FTO: variants seen among roughly 807,000 people sequenced by gnomAD.
FTO encodes FTO alpha-ketoglutarate dependent dioxygenase.
A neutral mutation model predicts 63.9 loss-of-function variants in FTO; 47 were observed. That is an observed-to-expected ratio of 0.74 (90% CI 0.58 to 0.94). FTO has a LOEUF of 0.94. Among genes scored for constraint, FTO ranks in the 40% least tolerant of loss-of-function variants. FTO has a pLI of 0.00. For synonymous variants in FTO, 207 were observed against 224.4 expected (o/e 0.92, Z 0.69); for missense variants, 562 against 618.1 (o/e 0.91, Z 0.96).
chr16:53,816,825 C>T (rs1468660036), intron 2 of FTO, among the ~76,000 whole-genome samples: 2 of 152,144 alleles, frequency 1.3e-5, no homozygotes, highest in African/African-American at 2.4e-5. Context: ...TGCTTATTGT[C>T]TGGCTCACCT....
intron 2 of FTO, among the ~76,000 whole-genome samples, chr16:53,823,840 A>T (rs1367322045): frequency 6.6e-6 from 1 of 152,134 alleles, no homozygotes; most frequent in African/African-American, 2.4e-5. Flanking sequence ...AGCCAAGATC[A>T]TGCCATTGCA....
Position 54,121,625 on chromosome 16 carries a change from TC to T in FTO, c.*9711del. On this transcript the variant is annotated 3_prime_UTR_variant, in exon 9 of 9. Transcript: ENST00000471389. The stretch of plus-strand genomic sequence containing the variant: ...CTAGAACTGCTCAACAGGTGAAGAA[TC>T]TTTTTCCAGCACTCCTGAGCCCTTC... 1 of 152,294 alleles carries T rather than the reference TC, an allele frequency of 6.6e-6. No individual in the cohort carries two copies. The highest frequency in any genetic ancestry group is 2.4e-5 in the African/African-American group (1 of 41,556). 9.4% of individuals were successfully genotyped at this position (152,294 alleles called of 1,614,324 possible). A position where few individuals can be genotyped will look rare whatever the true frequency, so the allele number is the denominator to read the frequency against.
At chr16:53,984,415 C>G (rs1432167404) in intron 8 of FTO, among the ~76,000 whole-genome samples, 1 of 150,172 alleles carries the variant, frequency 6.7e-6, no homozygotes, top group Admixed American at 6.6e-5. Flanking sequence ...CTCGACCTCC[C>G]CAGCTCAAGT....
intron 2 of FTO, 48 bp from the exon 3 acceptor site, chr16:53,825,816 A>T (rs765632404): frequency 6.3e-7 from 1 of 1,598,988 alleles, no homozygotes; most frequent in East Asian, 2.2e-5. Flanking sequence ...GAAATAATAC[A>T]ATTGTAGCTA....
At chr16:53,898,753 C>T (rs1370884477) in intron 7 of FTO, among the ~76,000 whole-genome samples, 1 of 152,164 alleles carries the variant, frequency 6.6e-6, no homozygotes, top group African/African-American at 2.4e-5. Flanking sequence ...GATCATAGCT[C>T]ACTGTAGCCT....
At position 54,111,885 on chromosome 16, in the gene FTO, CAG is replaced by C. The variant is rs2086898462; in HGVS notation, c.1491_1492del (p.Gly498SerfsTer32). ...ACCTCACAGACATCGTTTCAGAACT[CAG>C]AGGTCAGCTTCTGGAAGCAAAACCC... ...FDLTDIVSEL[R>X]GQLLEAKP is the part of the protein sequence containing the mutation. On this transcript the variant is annotated frameshift_variant, in exon 9 of 9. Transcript: ENST00000471389. LOFTEE classifies it high-confidence loss of function. The C allele has an allele frequency of 1.2e-6, 2 of 1,614,010 alleles. No individual in the cohort carries two copies. Among genetic ancestry groups the C allele is most frequent in the Non-Finnish European group, 1.7e-6 (2 of 1,180,026 alleles).
At chr16:53,803,780 T>G (rs1480391815) in intron 1 of FTO, among the ~76,000 whole-genome samples, 1 of 152,204 alleles carries the variant, frequency 6.6e-6, no homozygotes, top group Admixed American at 6.5e-5. Flanking sequence ...TGCAATTTTG[T>G]CATATTAAAA....
At chr16:53,953,394 T>G (rs755768953) in intron 8 of FTO, among the ~76,000 whole-genome samples, 4 of 152,186 alleles carry the variant, frequency 2.6e-5, no homozygotes, top group Non-Finnish European at 5.9e-5. Flanking sequence ...CCACTGGAAT[T>G]GTAGGCCTTG....
At chr16:54,076,995 A>G (rs1260927571) in intron 8 of FTO, among the ~76,000 whole-genome samples, 2 of 152,184 alleles carry the variant, frequency 1.3e-5, no homozygotes, top group East Asian at 1.9e-4. Flanking sequence ...TAATCGGCCT[A>G]TGTGATTATT....
intron 4 of FTO, among the ~76,000 whole-genome samples, chr16:53,872,221 G>A (rs2080520122): frequency 6.6e-6 from 1 of 152,190 alleles, no homozygotes; most frequent in Non-Finnish European, 1.5e-5. Flanking sequence ...TCTGAAATTG[G>A]TTCCACCTGC....
In FTO at chr16:54,119,385, G is replaced by A. The variant is rs2086991721; in HGVS notation, c.*7470G>A. 1 of 152,174 alleles carries A rather than the reference G, an allele frequency of 6.6e-6. No homozygotes were observed. The highest frequency in any genetic ancestry group is 2.4e-5 in the African/African-American group (1 of 41,428). 9.4% of individuals were successfully genotyped at this position (152,174 alleles called of 1,614,324 possible). A position where few individuals can be genotyped will look rare whatever the true frequency, so the allele number is the denominator to read the frequency against. ...CAGTTTCTCAGACAGCCAAAGCCGT[G>A]GCTTATAACTCATCCAACCCAGAAA... On this transcript the variant is annotated 3_prime_UTR_variant, in exon 9 of 9. Coordinates refer to ENST00000471389, the MANE Select transcript of FTO (RefSeq NM_001080432.3).
chr16:54,088,537 C>T (rs2086300251), intron 8 of FTO, among the ~76,000 whole-genome samples: 1 of 152,144 alleles, frequency 6.6e-6, no homozygotes, highest in South Asian at 2.1e-4. Flanking sequence ...TTAATGTTTT[C>T]TACCAAGCCA....
At chr16:53,997,737 A>T (rs188859722) in intron 8 of FTO, among the ~76,000 whole-genome samples, 1 of 152,126 alleles carries the variant, frequency 6.6e-6, no homozygotes, top group East Asian at 1.9e-4. Context: ...GCTGATGGCT[A>T]CAAATGTGTC....
At chr16:53,706,151 A>C (rs1281171555) in intron 1 of FTO, among the ~76,000 whole-genome samples, 3 of 152,204 alleles carry the variant, frequency 2.0e-5, no homozygotes, top group Non-Finnish European at 2.9e-5. Context: ...TTCTTTAAAA[A>C]ATTGGCTGTT....
At chr16:53,822,204 T>C (rs1006262552) in intron 2 of FTO, among the ~76,000 whole-genome samples, 2 of 152,186 alleles carry the variant, frequency 1.3e-5, no homozygotes, top group Non-Finnish European at 2.9e-5. Context: ...TTAACTTCAT[T>C]GAGAAAGTCA....
intron 7 of FTO, among the ~76,000 whole-genome samples, chr16:53,919,694 T>A (rs757737669): frequency 1.6e-4 from 24 of 152,182 alleles, no homozygotes; most frequent in Non-Finnish European, 2.9e-4. Flanking sequence ...GCAACCTGGA[T>A]GGAATTGGAG....
At chr16:54,101,915 G>A (rs542108371) in intron 8 of FTO, among the ~76,000 whole-genome samples, 87 of 152,132 alleles carry the variant, frequency 5.7e-4, no homozygotes, top group African/African-American at 2.0e-3. Flanking sequence ...TAATAATCAG[G>A]GCTATTGAGC....
At chr16:53,843,240 A>C (rs1413002726) in intron 3 of FTO, among the ~76,000 whole-genome samples, 2 of 152,222 alleles carry the variant, frequency 1.3e-5, no homozygotes, top group African/African-American at 4.8e-5. Flanking sequence ...TTTAGTATAC[A>C]TTCTTAAAAG....
intron 7 of FTO, among the ~76,000 whole-genome samples, chr16:53,928,964 C>T (rs1283223483): frequency 6.6e-6 from 1 of 152,102 alleles, no homozygotes; most frequent in East Asian, 1.9e-4. Context: ...CTGCCTCAGC[C>T]TCCCGAGTAG....
Sources: allele counts gnomAD v4.1 joint callset (sites outside exome capture counted in the v4.1 genomes callset), GRCh38; gene constraint gnomAD v4.1.1; transcripts MANE v1.5; gene names NCBI Gene and HGNC (gene_info 2026-07-23, HGNC 2026-07-21).